WDR47: variants seen among roughly 807,000 people sequenced by gnomAD.
The protein encoded by WDR47 is WD repeat-containing protein 47.
Under a neutral mutation model 97.2 loss-of-function variants are expected in WDR47, and 32 were observed. The observed-to-expected ratio is 0.33, with a 90% CI of 0.25 to 0.44. The LOEUF is 0.44. WDR47 is among the 20% of genes least tolerant of loss of function. The pLI is 1.00. For missense variants in WDR47, 782 were observed against 1,102.3 expected (o/e 0.71, Z 4.11); for synonymous variants, 375 against 373.5 (o/e 1.00, Z -0.05).
intron 13 of WDR47, among the ~76,000 whole-genome samples, chr1:108,976,874 T>G (rs753641241): frequency 7.2e-5 from 11 of 152,172 alleles, no homozygotes; most frequent in Non-Finnish European, 1.6e-4. Context: ...GTAAGTGATC[T>G]GAGGTGAGAC....
At position 108,983,458 on chromosome 1, in the gene WDR47, AG is replaced by A. The variant is rs764101840; in HGVS notation, c.1926-8del. On this transcript the variant is annotated splice_region_variant and splice_polypyrimidine_tract_variant and intron_variant, in intron 10 of 14. Transcript: ENST00000369962. ...CTTAGGAGTCTCATGTGCACTGAAA[AG>A]AAAAATTACAGAAATATATTTCAAT... 1 of 1,541,210 alleles carries A rather than the reference AG, an allele frequency of 6.5e-7. No homozygotes were observed. The highest frequency in any genetic ancestry group is 8.7e-7 in the Non-Finnish European group (1 of 1,143,058).
chr1:108,974,485 G>A, intron 14 of WDR47, 51 bp downstream of exon 14: 1 of 1,486,086 alleles, frequency 6.7e-7, no homozygotes, highest in Non-Finnish European at 9.2e-7. Flanking sequence ...AAAAATAAAG[G>A]TCCCAAATAG....
chr1:109,008,809 T>C (rs977688493), intron 5 of WDR47, among the ~76,000 whole-genome samples: 18 of 150,396 alleles, frequency 1.2e-4, no homozygotes, highest in African/African-American at 4.9e-5. Flanking sequence ...GGTTTCATCA[T>C]GTTGGACAGG....
chr1:109,026,255 T>G (rs1225726314), intron 1 of WDR47, among the ~76,000 whole-genome samples: 1 of 151,994 alleles, frequency 6.6e-6, no homozygotes, highest in Non-Finnish European at 1.5e-5. Flanking sequence ...CTACCTATGT[T>G]GCCTAGGCTG....
At chr1:108,991,392 T>G in intron 8 of WDR47, 63 bp from the exon 9 acceptor site, 11 of 1,440,238 alleles carry the variant, frequency 7.6e-6, no homozygotes, top group Non-Finnish European at 1.1e-5. Flanking sequence ...TAAATTAATT[T>G]ACCCTTTCAA....
intron 13 of WDR47, among the ~76,000 whole-genome samples, chr1:108,981,021 G>A (rs839877): frequency 0.087 from 13,122 of 151,120 alleles, 600 homozygotes; most frequent in East Asian, 0.11. Context: ...CCAGCTACTT[G>A]GGAGGCTGAG....
At chr1:109,019,525 C>A (rs939096293) in intron 2 of WDR47, among the ~76,000 whole-genome samples, 1 of 151,342 alleles carries the variant, frequency 6.6e-6, no homozygotes, top group African/African-American at 2.4e-5. Flanking sequence ...CATCTAAAGA[C>A]ATTTTTGGTA....
rs200849850 is a variant in WDR47 at position 108,978,262 on chromosome 1, T to C, written c.2398+3471A>G. The stretch of plus-strand genomic sequence containing the variant: ...AGGCCGAGGCAGGCGGATCACGAGG[T>C]CAGGAGATCGAGACCATCCTGGCTA... On this transcript the variant is annotated intron_variant, in intron 13 of 14. Coordinates refer to ENST00000369962, the MANE Select transcript of WDR47 (RefSeq NM_001142551.2). Among the ~76,000 whole-genome samples, 6 of 150,414 alleles carry C rather than the reference T, an allele frequency of 4.0e-5. No homozygotes were observed. In the East Asian group the frequency reaches 1.2e-3, roughly 29 times the overall value.
chr1:109,003,221 G>A (rs1216262333), intron 6 of WDR47, among the ~76,000 whole-genome samples: 2 of 152,036 alleles, frequency 1.3e-5, no homozygotes, highest in Non-Finnish European at 2.9e-5. Flanking sequence ...CTACTTGGAT[G>A]TTTCATCCAT....
intron 9 of WDR47, among the ~76,000 whole-genome samples, chr1:108,990,027 A>G (rs959028683): frequency 6.6e-6 from 1 of 152,124 alleles, no homozygotes; most frequent in Non-Finnish European, 1.5e-5. Flanking sequence ...GTCATTTAAA[A>G]AACTAGGTGA....
At chr1:108,998,955 C>T (rs1366580911) in intron 7 of WDR47, among the ~76,000 whole-genome samples, 1 of 151,996 alleles carries the variant, frequency 6.6e-6, no homozygotes, top group Non-Finnish European at 1.5e-5. Context: ...AATATTGGGC[C>T]AGGCATGAGC....
intron 1 of WDR47, among the ~76,000 whole-genome samples, chr1:109,040,173 A>G (rs1663256554): frequency 6.6e-6 from 1 of 152,184 alleles, no homozygotes; most frequent in Non-Finnish European, 1.5e-5. Context: ...TAAGCTTAGC[A>G]GCTCTTACAA....
chr1:108,978,773 CTG>C (rs1658121245), intron 13 of WDR47, among the ~76,000 whole-genome samples: 1 of 152,128 alleles, frequency 6.6e-6, no homozygotes. Flanking sequence ...TTGCATGACA[CTG>C]AGAGCTGAAG....
intron 5 of WDR47, among the ~76,000 whole-genome samples, chr1:109,005,987 T>C (rs1660582004): frequency 6.6e-6 from 1 of 152,210 alleles, no homozygotes; most frequent in African/African-American, 2.4e-5. Flanking sequence ...ATAGGTTGGA[T>C]AATACAATGC....
At chr1:109,020,847 G>A (rs533351216) in intron 2 of WDR47, among the ~76,000 whole-genome samples, 3 of 150,506 alleles carry the variant, frequency 2.0e-5, no homozygotes, top group African/African-American at 4.9e-5. Context: ...TATTGTTGTT[G>A]TTGTTGAATG....
intron 1 of WDR47, among the ~76,000 whole-genome samples, chr1:109,039,539 C>G (rs1557972197): frequency 6.6e-6 from 1 of 152,180 alleles, no homozygotes; most frequent in African/African-American, 2.4e-5. Flanking sequence ...ATTACTGGCA[C>G]AAGCCACCAC....
At chr1:109,036,041 C>T (rs1172963089) in intron 1 of WDR47, among the ~76,000 whole-genome samples, 1 of 151,930 alleles carries the variant, frequency 6.6e-6, no homozygotes, top group Non-Finnish European at 1.5e-5. Context: ...AAAATATATA[C>T]ATATTAAAGG....
In WDR47 at chr1:109,010,917, G is replaced by A. The variant is rs200519984; in HGVS notation, c.1129C>T (p.Arg377Cys). The A allele has an allele frequency of 4.4e-6, 7 of 1,608,250 alleles. No homozygotes were observed. Among genetic ancestry groups the A allele is most frequent in the African/African-American group, 1.3e-5 (1 of 74,740 alleles). The change falls in exon 5 of 15, where the codon CGT (arginine) becomes TGT (cysteine). Residue 377 changes from arginine (R) to cysteine (C), a missense_variant and splice_region_variant. Arg to Cys is a radical substitution (Grantham distance 180, BLOSUM62 -3). Coordinates refer to ENST00000369962, the MANE Select transcript of WDR47 (RefSeq NM_001142551.2). ...TAATTTTTATAACCAAATGCTTACC[G>A]CTCAGGGGATTCTTCGTAAATACTG... ...CHSIYEESPERDTPVDAQRPI... is the reference protein window; with the variant it reads ...CHSIYEESPECDTPVDAQRPI...
chr1:109,011,501 A>C lies in WDR47; in HGVS notation c.545T>G (p.Leu182Arg). 6.2e-7 allele frequency: 1 copy of C among 1,614,198 alleles called. No homozygotes were observed. Among genetic ancestry groups the C allele is most frequent in the African/African-American group, 1.3e-5 (1 of 75,042 alleles). ...ACTAGCCTTAAAACCAGCTTCACTTAGCTTCCTATCAGCAGGGATGAATTC... is the reference window on the plus strand; with the variant it reads ...ACTAGCCTTAAAACCAGCTTCACTTCGCTTCCTATCAGCAGGGATGAATTC... Reference protein sequence around the residue: ...VAEFIPADRKLSEAGFKASNN... With the variant: ...VAEFIPADRKRSEAGFKASNN... Residue 182 changes from leucine (L) to arginine (R), a missense_variant, in exon 5 of 15, where the codon CTA becomes CGA. Leu to Arg is a moderately radical substitution (Grantham distance 102). This residue lies in a region of WDR47 where 428 missense variants were observed against 584.3 expected (regional missense o/e 0.73). Coordinates refer to ENST00000369962, the MANE Select transcript of WDR47 (RefSeq NM_001142551.2).
Sources: gnomAD v4.1 joint callset for allele counts (sites outside exome capture counted in the v4.1 genomes callset) on GRCh38, gnomAD v4.1.1 for gene constraint, gnomAD v4.1.1 regional missense constraint, MANE v1.5 for transcripts, NCBI Gene and HGNC (gene_info 2026-07-23, HGNC 2026-07-21) for gene names.